ZFYVE1: variants seen among roughly 807,000 people sequenced by gnomAD.
The protein encoded by ZFYVE1 is zinc finger FYVE domain-containing protein 1.
In ZFYVE1, 30 loss-of-function variants were observed where a neutral mutation model predicts 74.4. The observed-to-expected ratio is 0.40, with a 90% CI of 0.30 to 0.55. The LOEUF (loss-of-function observed/expected upper bound fraction) is 0.55. Ranked by LOEUF, ZFYVE1 falls within the 20% of genes least tolerant of loss-of-function variation. ZFYVE1 has a pLI of 0.42. For missense variants in ZFYVE1, 703 were observed against 1,011.6 expected, an observed-to-expected ratio of 0.69 and a Z score of 4.14; for synonymous variants, 335 against 385.1, an observed-to-expected ratio of 0.87 and a Z score of 1.52.
chr14:73,003,061 T>TC lies in ZFYVE1; in HGVS notation c.484-4747_484-4746insG, dbSNP rs1893908663. Reference sequence around the variant, plus strand: ...CAGCCCTTTTTTTCTTTTCTTTTTTTTTTTTTTTTTTGAGACAGGATCTCA... The same window carrying TC: ...CAGCCCTTTTTTTCTTTTCTTTTTTTCTTTTTTTTTTTGAGACAGGATCTCA... On this transcript the variant is annotated intron_variant, in intron 2 of 11. Coordinates refer to ENST00000556143, the MANE Select transcript of ZFYVE1 (RefSeq NM_021260.4). 3.5e-5 allele frequency among the ~76,000 whole-genome samples: 5 copies of TC among 142,626 alleles called. No individual in the cohort carries two copies. In the South Asian group the frequency reaches 1.2e-3, roughly 33 times the overall value. 93.6% of individuals were successfully genotyped at this position (142,626 alleles called of 152,430 possible). A position where few individuals can be genotyped will look rare whatever the true frequency, so the allele number is the denominator to read the frequency against.
At chr14:73,001,178 G>GT (rs753719695) in intron 2 of ZFYVE1, among the ~76,000 whole-genome samples, 1 of 151,880 alleles carries the variant, frequency 6.6e-6, no homozygotes, top group Non-Finnish European at 1.5e-5. Flanking sequence ...AGTATTGGTT[G>GT]TTTTTTTCTT....
chr14:72,974,767 G>A lies in ZFYVE1; in HGVS notation c.1987+12C>T. ...TCCCCTCCACCCCTGCAGCTCCCAG[G>A]TCCCACGTTACCTAACTGGACGTTC... On this transcript the variant is annotated intron_variant, in intron 10 of 11. Coordinates refer to ENST00000556143, the MANE Select transcript of ZFYVE1 (RefSeq NM_021260.4). The A allele has an allele frequency of 6.3e-7, 1 of 1,588,336 alleles. No homozygotes were observed. The highest frequency in any genetic ancestry group is 1.1e-5 in the South Asian group (1 of 90,112).
At chr14:73,018,387 C>G (rs1894243579) in intron 2 of ZFYVE1, among the ~76,000 whole-genome samples, 1 of 144,042 alleles carries the variant, frequency 6.9e-6, no homozygotes, top group Non-Finnish European at 1.5e-5. Flanking sequence ...GGTGAGATTG[C>G]GCCACTGCGC....
chr14:72,992,507 C>A (rs143749118), intron 4 of ZFYVE1, among the ~76,000 whole-genome samples: 2 of 151,858 alleles, frequency 1.3e-5, no homozygotes, highest in Non-Finnish European at 2.9e-5. Context: ...CTAATCCATA[C>A]AGAGTACTCT....
chr14:72,975,781 G>A lies in ZFYVE1; in HGVS notation c.1636-60C>T. Reference sequence around the variant, plus strand: ...AGAAGGGAGTGAAAGGAAGGAGGAAGAGGGATGTTTGGTGAGTTGCACACT... The same window carrying A: ...AGAAGGGAGTGAAAGGAAGGAGGAAAAGGGATGTTTGGTGAGTTGCACACT... On this transcript the variant is annotated intron_variant, in intron 8 of 11. Transcript: ENST00000556143. The surrounding 1 kb of genome is among the most constrained non-coding windows in gnomAD (Gnocchi z 4.1). 1 of 1,584,660 alleles carries A rather than the reference G, an allele frequency of 6.3e-7. No homozygotes were observed. The highest frequency in any genetic ancestry group is 1.3e-5 in the African/African-American group (1 of 74,522).
intron 6 of ZFYVE1, among the ~76,000 whole-genome samples, chr14:72,978,566 CAAAAAAAAAAAAAAAA>C (rs58858186): frequency 2.2e-4 from 11 of 50,956 alleles, no homozygotes; most frequent in African/African-American, 6.6e-4. Flanking sequence ...GACTCTGTCT[CAAAAAAAAAAAAAAAA>C]AAAAAAAAAA....
intron 4 of ZFYVE1, among the ~76,000 whole-genome samples, chr14:72,991,590 A>T (rs1329838567): frequency 7.5e-6 from 1 of 133,340 alleles, no homozygotes; most frequent in East Asian, 2.2e-4. Flanking sequence ...ATGCACAGTG[A>T]TCAGATTTAC....
At chr14:72,980,434 A>G (rs1395158470) in intron 5 of ZFYVE1, among the ~76,000 whole-genome samples, 1 of 152,202 alleles carries the variant, frequency 6.6e-6, no homozygotes, top group African/African-American at 2.4e-5. Flanking sequence ...GGCCCATCAG[A>G]CAAGTCACCA....
At chr14:73,007,950 C>T (rs530899400) in intron 2 of ZFYVE1, among the ~76,000 whole-genome samples, 4 of 152,244 alleles carry the variant, frequency 2.6e-5, no homozygotes, top group South Asian at 2.1e-4. Flanking sequence ...ACTGAAGTCA[C>T]GGGGTTGGTC....
chr14:72,993,866 C>A (rs953959830), intron 3 of ZFYVE1, among the ~76,000 whole-genome samples: 2 of 150,814 alleles, frequency 1.3e-5, no homozygotes, highest in African/African-American at 4.9e-5. Flanking sequence ...ACTAAAAATA[C>A]TAGCCAAGCG....
intron 2 of ZFYVE1, among the ~76,000 whole-genome samples, chr14:73,021,338 ACT>A (rs1425912593): frequency 6.9e-6 from 1 of 145,056 alleles, no homozygotes; most frequent in East Asian, 2.0e-4. Flanking sequence ...ACAGAGTGAG[ACT>A]CTGTCTCAAA....
intron 2 of ZFYVE1, among the ~76,000 whole-genome samples, chr14:73,006,248 G>T (rs12879195): frequency 0.49 from 74,736 of 151,366 alleles, 19,040 homozygotes; most frequent in African/African-American, 0.59. Context: ...ACTGGCTTTA[G>T]AGCTGGCTCT....
chr14:72,993,197 C>A lies in ZFYVE1; in HGVS notation c.1149G>T (p.Glu383Asp). 6.2e-7 allele frequency: 1 copy of A among 1,613,666 alleles called. No homozygotes were observed. The highest frequency in any genetic ancestry group is 8.5e-7 in the Non-Finnish European group (1 of 1,179,850). ...GCCGGGGAGAACGGGTGGTGTTATT[C>A]TCTAGTAGCTGCTCCAAAGCACGCC... is the stretch of plus-strand genomic sequence containing the variant. ...GLRRALEQLL[E>D]NNTTRSPRHP... Residue 383 changes from glutamate (E) to aspartate (D), a missense_variant, in exon 4 of 12, where the codon GAG becomes GAT. Physicochemically the swap from Glu to Asp is conservative, Grantham distance 45. This residue lies in a region of ZFYVE1 where 492 missense variants were observed against 790.0 expected (regional missense o/e 0.62). Coordinates refer to ENST00000556143, the MANE Select transcript of ZFYVE1 (RefSeq NM_021260.4).
Position 73,024,554 on chromosome 14 carries a change from G to C in ZFYVE1, c.-46C>G. The stretch of plus-strand genomic sequence containing the variant: ...ACACCCACCATATAATAGTCACTGA[G>C]CTTGCCCCGGGGGTGAAGACGAAGA... On this transcript the variant is annotated 5_prime_UTR_variant, in exon 2 of 12. Transcript: ENST00000556143. 1 of 1,534,110 alleles carries C rather than the reference G, an allele frequency of 6.5e-7. No individual in the cohort carries two copies. The highest frequency in any genetic ancestry group is 8.8e-7 in the Non-Finnish European group (1 of 1,141,084).
intron 2 of ZFYVE1, among the ~76,000 whole-genome samples, chr14:73,002,235 C>G (rs758489975): frequency 4.8e-4 from 71 of 149,314 alleles, no homozygotes; most frequent in Non-Finnish European, 8.5e-4. Context: ...GATTCATAGA[C>G]AGCAAGTAGA....
At chr14:73,003,071 T>TTTTTC (rs1567357977) in intron 2 of ZFYVE1, among the ~76,000 whole-genome samples, 1 of 126,430 alleles carries the variant, frequency 7.9e-6, no homozygotes, top group Non-Finnish European at 1.7e-5. Context: ...TTTTTTTTTT[T>TTTTTC]TGAGACAGGA....
At chr14:73,023,964 G>A in intron 2 of ZFYVE1, 62 bp downstream of exon 2, 4 of 1,553,326 alleles carry the variant, frequency 2.6e-6, no homozygotes, top group Non-Finnish European at 3.5e-6. Context: ...TTTTTTGAGA[G>A]CTGGCTTCCA....
intron 2 of ZFYVE1, among the ~76,000 whole-genome samples, chr14:73,022,843 A>G (rs1402952935): frequency 6.6e-6 from 1 of 152,048 alleles, no homozygotes; most frequent in African/African-American, 2.4e-5. Context: ...GATGCCCCTC[A>G]CTGGCTTTTA....
rs1660160611 is a variant in ZFYVE1 at position 72,997,914 on chromosome 14, G to C, written c.885C>G (p.Leu295=). Residue 295 remains leucine (L), a synonymous_variant, in exon 3 of 12, where the codon CTC becomes CTG. Coordinates refer to ENST00000556143, the MANE Select transcript of ZFYVE1 (RefSeq NM_021260.4). The part of the protein sequence containing the change: ...EAYLKHFTKE[L]KATTARCGLD... Reference sequence around the variant, plus strand: ...GGCCACAGCGAGCAGTGGTGGCCTTGAGCTCCTTGGTGAAGTGCTTCAGAT... The same window carrying C: ...GGCCACAGCGAGCAGTGGTGGCCTTCAGCTCCTTGGTGAAGTGCTTCAGAT... 1.2e-6 allele frequency: 2 copies of C among 1,614,162 alleles called. No individual in the cohort carries two copies. The highest frequency in any genetic ancestry group is 1.7e-6 in the Non-Finnish European group (2 of 1,180,016).
Sources: gnomAD v4.1 joint callset for allele counts (sites outside exome capture counted in the v4.1 genomes callset) on GRCh38, gnomAD v4.1.1 for gene constraint, gnomAD v4.1.1 regional missense constraint, Gnocchi (gnomAD v3.1) non-coding constraint, MANE v1.5 for transcripts, NCBI Gene and HGNC (gene_info 2026-07-23, HGNC 2026-07-21) for gene names.